TEX9: variants seen among roughly 807,000 people sequenced by gnomAD.
The protein encoded by TEX9 is testis-expressed protein 9.
In TEX9, 74 loss-of-function variants were observed where a neutral mutation model predicts 59.6. The ratio of observed to expected loss-of-function variants is 1.24; its 90% CI spans 1.03 to 1.51. TEX9 has a LOEUF of 1.51. Among genes scored for constraint, TEX9 ranks in the 40% most tolerant of loss-of-function variants. The pLI, the probability that TEX9 is intolerant of heterozygous loss-of-function variation, is 0.00. For synonymous variants in TEX9, 186 were observed against 152.2 expected (o/e 1.22, Z -1.64); for missense variants, 522 against 447.8 (o/e 1.17, Z -1.49).
chr15:56,437,594 T>C (rs1222516840), intron 12 of TEX9, among the ~76,000 whole-genome samples: 1 of 152,110 alleles, frequency 6.6e-6, no homozygotes, highest in Non-Finnish European at 1.5e-5. Context: ...CTATTCAACA[T>C]AGTGTTGGAA....
At chr15:56,410,504 C>G (rs773429580) in intron 9 of TEX9, among the ~76,000 whole-genome samples, 6 of 151,512 alleles carry the variant, frequency 4.0e-5, no homozygotes, top group Admixed American at 6.6e-5. Flanking sequence ...CTCAGGACTT[C>G]AGATTTTTCG....
intron 1 of TEX9, among the ~76,000 whole-genome samples, chr15:56,288,035 C>T (rs369695863): frequency 3.9e-5 from 6 of 152,250 alleles, no homozygotes; most frequent in South Asian, 2.1e-4. Context: ...TGGATATATA[C>T]GCAGTAGTGA....
chr15:56,301,546 GA>G (rs571577549), intron 1 of TEX9, among the ~76,000 whole-genome samples: 3 of 145,692 alleles, frequency 2.1e-5, no homozygotes, highest in Non-Finnish European at 4.5e-5. Flanking sequence ...AGCAGCAAGA[GA>G]AAAAAAAATG....
chr15:56,456,618 G>A, the TEX9 span: 4 of 1,180,614 alleles, frequency 3.4e-6, no homozygotes, highest in Non-Finnish European at 4.8e-6. Flanking sequence ...AATGCCTTAA[G>A]GCCAACAATT....
chr15:56,413,703 T>C lies in TEX9; in HGVS notation c.963+1267T>C, dbSNP rs150536413. On this transcript the variant is annotated intron_variant, in intron 10 of 12. Transcript: ENST00000352903. ...TTAACATAATGTTAAGTGACTCTCA[T>C]AATTAAAACAATATTTAATAATTTA... 4.2e-3 allele frequency among the ~76,000 whole-genome samples: 637 copies of C among 151,852 alleles called. 15 individuals carry two copies. Among genetic ancestry groups the C allele is most frequent in the African/African-American group, 0.015 (601 of 41,206 alleles).
chr15:56,255,724 T>A (rs1236298478), intron 1 of TEX9, among the ~76,000 whole-genome samples: 3 of 152,058 alleles, frequency 2.0e-5, no homozygotes, highest in Non-Finnish European at 4.4e-5. Context: ...ATGTCATCTT[T>A]ATAACCTATA....
intron 1 of TEX9, among the ~76,000 whole-genome samples, chr15:56,340,830 C>G (rs1174845432): frequency 1.3e-5 from 2 of 152,138 alleles, no homozygotes; most frequent in Non-Finnish European, 2.9e-5. Flanking sequence ...CTGAAATGGT[C>G]AAACACTGTC....
At chr15:56,441,885 T>A (rs1468134284) in intron 12 of TEX9, among the ~76,000 whole-genome samples, 1 of 151,952 alleles carries the variant, frequency 6.6e-6, no homozygotes, top group Non-Finnish European at 1.5e-5. Context: ...CCGGGCATGG[T>A]GGCGGGTGCC....
intron 1 of TEX9, among the ~76,000 whole-genome samples, chr15:56,297,503 A>C (rs1478459409): frequency 6.6e-6 from 1 of 152,142 alleles, no homozygotes; most frequent in Non-Finnish European, 1.5e-5. Flanking sequence ...CAGGTGGCTT[A>C]GTTTTCTACA....
chr15:56,380,680 G>T (rs2047684447), intron 3 of TEX9, among the ~76,000 whole-genome samples: 2 of 152,090 alleles, frequency 1.3e-5, no homozygotes, highest in South Asian at 4.1e-4. Flanking sequence ...TATTTTTGCT[G>T]GATATACTAT....
intron 4 of TEX9, among the ~76,000 whole-genome samples, chr15:56,385,571 G>A (rs1001472058): frequency 2.6e-5 from 4 of 152,080 alleles, no homozygotes; most frequent in African/African-American, 9.7e-5. Context: ...GAGAAAGAGA[G>A]GTCAGGTGAA....
chr15:56,391,616 G>A (rs1452748466), intron 7 of TEX9, among the ~76,000 whole-genome samples, 198 bp downstream of exon 7: 3 of 151,890 alleles, frequency 2.0e-5, no homozygotes, highest in Non-Finnish European at 4.4e-5. Flanking sequence ...GTCAGTCATT[G>A]TTAAAGATAG....
intron 1 of TEX9, among the ~76,000 whole-genome samples, chr15:56,290,915 T>C (rs2045075311): frequency 6.6e-6 from 1 of 152,208 alleles, no homozygotes; most frequent in Admixed American, 6.5e-5. Context: ...GGCCTTTATC[T>C]TCTACTCTGC....
intron 10 of TEX9, among the ~76,000 whole-genome samples, chr15:56,426,317 T>A (rs1330823747): frequency 6.6e-6 from 1 of 151,988 alleles, no homozygotes. Flanking sequence ...GACTGTGCTG[T>A]GCCAGGGAGG....
At chr15:56,365,631 C>T in exon 2 of TEX9, 1 of 1,614,240 alleles carries the variant, frequency 6.2e-7, no homozygotes, top group Non-Finnish European at 8.5e-7. Flanking sequence ...CAACCCTCTA[C>T]ACCTGGACCC....
At chr15:56,434,546 C>A in intron 12 of TEX9, 1 of 802,076 alleles carries the variant, frequency 1.2e-6, no homozygotes, top group Non-Finnish European at 1.9e-6. Context: ...TTTGTCCATC[C>A]CTTTAAAACT....
At chr15:56,408,849 A>G (rs2049206300) in intron 9 of TEX9, 1 of 152,282 alleles carries the variant, frequency 6.6e-6, no homozygotes, top group Non-Finnish European at 1.5e-5. Flanking sequence ...TATTTAAACT[A>G]TTATAATAAC....
intron 1 of TEX9, among the ~76,000 whole-genome samples, chr15:56,269,626 C>T (rs993407977): frequency 1.3e-5 from 2 of 149,796 alleles, no homozygotes; most frequent in African/African-American, 4.9e-5. Flanking sequence ...TGGAGTTGTG[C>T]GGTTCTGAAT....
At chr15:56,455,885 C>G in the TEX9 span, among the ~76,000 whole-genome samples, 3 of 152,004 alleles carry the variant, frequency 2.0e-5, no homozygotes, top group African/African-American at 7.2e-5. Flanking sequence ...ACATTTAGTG[C>G]GTTCATATAT....
Sources: allele counts gnomAD v4.1 joint callset (sites outside exome capture counted in the v4.1 genomes callset), GRCh38; gene constraint gnomAD v4.1.1; transcripts MANE v1.5; gene names NCBI Gene and HGNC (gene_info 2026-07-23, HGNC 2026-07-21).